SGMS1: variants seen among roughly 807,000 people sequenced by gnomAD.
The protein encoded by SGMS1 is phosphatidylcholine:ceramide cholinephosphotransferase 1.
SGMS1 carries 13 observed loss-of-function variants against 46.2 expected under a neutral mutation model. The observed-to-expected ratio is 0.28, with a 90% CI of 0.18 to 0.45. The LOEUF (loss-of-function observed/expected upper bound fraction) is 0.45, where lower values mean the gene tolerates loss of function less well. SGMS1 is among the 20% of genes least tolerant of loss of function. The pLI is 1.00. For synonymous variants in SGMS1, 203 were observed against 187.8 expected, an observed-to-expected ratio of 1.08 and a Z score of -0.66; for missense variants, 324 against 519.9, an observed-to-expected ratio of 0.62 and a Z score of 3.66.
chr10:50,333,318 C>T (rs1255509019), intron 7 of SGMS1, among the ~76,000 whole-genome samples: 2 of 152,196 alleles, frequency 1.3e-5, no homozygotes, highest in Non-Finnish European at 2.9e-5. Flanking sequence ...TTCTTATTCT[C>T]TCTGAAGTCC....
At chr10:50,611,504 G>A (rs978952210) in intron 1 of SGMS1, among the ~76,000 whole-genome samples, 1 of 152,136 alleles carries the variant, frequency 6.6e-6, no homozygotes, top group Non-Finnish European at 1.5e-5. Context: ...AGAAGACCCT[G>A]GGTGTCCTGA....
intron 2 of SGMS1, 102 bp from the exon 3 acceptor site, chr10:50,520,023 C>G (rs976305263): frequency 6.6e-6 from 1 of 152,154 alleles, no homozygotes; most frequent in Non-Finnish European, 1.5e-5. Context: ...CAATTAAAAA[C>G]TTGATTTGTG....
intron 3 of SGMS1, among the ~76,000 whole-genome samples, chr10:50,503,925 G>A (rs1837683192): frequency 6.6e-6 from 1 of 152,208 alleles, no homozygotes; most frequent in Admixed American, 6.5e-5. Flanking sequence ...GATCGTAGAA[G>A]TTTTGTACAG....
chr10:50,521,113 T>C (rs986652781), intron 2 of SGMS1, among the ~76,000 whole-genome samples: 9 of 152,104 alleles, frequency 5.9e-5, no homozygotes, highest in African/African-American at 2.2e-4. Flanking sequence ...CAAGTGATCT[T>C]CCCACCTCAG....
chr10:50,356,452 G>A (rs1277968644), intron 6 of SGMS1, among the ~76,000 whole-genome samples: 4 of 152,028 alleles, frequency 2.6e-5, no homozygotes, highest in African/African-American at 9.7e-5. Context: ...CCTCTGCCTA[G>A]GAAAACCAGA....
At chr10:50,601,605 G>C (rs901760409) in intron 1 of SGMS1, among the ~76,000 whole-genome samples, 4 of 152,184 alleles carry the variant, frequency 2.6e-5, no homozygotes, top group African/African-American at 9.7e-5. Context: ...CAATAAAAGA[G>C]GAATTAAATT....
In SGMS1 at chr10:50,305,990, CTTT is replaced by C. The variant is rs889023633; in HGVS notation, c.*1149_*1151del. On this transcript the variant is annotated 3_prime_UTR_variant, in exon 11 of 11. Coordinates refer to ENST00000361781, the MANE Select transcript of SGMS1 (RefSeq NM_147156.4). ...AAATATCTTTTAAAGAAATAGATCTCTTTTTTGTTGTTCACCAACAAAATTGTC... is the reference window on the plus strand; with the variant it reads ...AAATATCTTTTAAAGAAATAGATCTCTTTGTTGTTCACCAACAAAATTGTC... 6.6e-6 allele frequency: 1 copy of C among 152,622 alleles called. No homozygotes were observed. Among genetic ancestry groups the C allele is most frequent in the Non-Finnish European group, 1.5e-5 (1 of 67,992 alleles). 9.5% of individuals were successfully genotyped at this position (152,622 alleles called of 1,614,324 possible).
At chr10:50,368,810 A>C (rs1848391057) in intron 6 of SGMS1, among the ~76,000 whole-genome samples, 1 of 152,262 alleles carries the variant, frequency 6.6e-6, no homozygotes, top group Admixed American at 6.5e-5. Flanking sequence ...AGGCATTATA[A>C]AACAATTTGT....
chr10:50,357,651 G>A (rs1232305602), intron 6 of SGMS1, among the ~76,000 whole-genome samples: 2 of 152,086 alleles, frequency 1.3e-5, no homozygotes, highest in African/African-American at 4.8e-5. Flanking sequence ...TTAGTTAAGG[G>A]AATTTGCATG....
chr10:50,489,335 C>A (rs1250915056), intron 3 of SGMS1, among the ~76,000 whole-genome samples: 3 of 152,226 alleles, frequency 2.0e-5, no homozygotes, highest in African/African-American at 7.2e-5. Flanking sequence ...TTATCCGAAA[C>A]ATGTGGATGC....
chr10:50,398,940 T>A (rs1248388490), intron 6 of SGMS1, among the ~76,000 whole-genome samples: 1 of 151,928 alleles, frequency 6.6e-6, no homozygotes, highest in African/African-American at 2.4e-5. Context: ...AAGTGACAGG[T>A]TATATGAAAT....
rs147706729 is a variant in SGMS1, at chr10:50,502,704, G to T, written c.-498+17127C>A. Among the ~76,000 whole-genome samples, 606 of 152,268 alleles carry T rather than the reference G, an allele frequency of 4.0e-3. 2 individuals carry two copies. The highest frequency in any genetic ancestry group is 6.4e-3 in the Non-Finnish European group (433 of 68,014). ...GAAATACTTTCCTTTTCAGTCCCCA[G>T]GTCTCTAACATCAAATGTATTTATG... On this transcript the variant is annotated intron_variant, in intron 3 of 10. Coordinates refer to ENST00000361781, the MANE Select transcript of SGMS1 (RefSeq NM_147156.4).
chr10:50,612,315 A>C (rs1588892754), intron 1 of SGMS1, among the ~76,000 whole-genome samples: 2 of 152,200 alleles, frequency 1.3e-5, no homozygotes, highest in Non-Finnish European at 2.9e-5. Context: ...TTGCTCCCTT[A>C]ATGGAGACAG....
intron 2 of SGMS1, among the ~76,000 whole-genome samples, chr10:50,554,029 A>T (rs951477835): frequency 6.6e-6 from 1 of 152,140 alleles, no homozygotes; most frequent in South Asian, 2.1e-4. Context: ...TGCACCTACA[A>T]TCACCACCTA....
upstream of SGMS1, chr10:50,624,743 C>T (rs73320871): frequency 1.0e-3 from 998 of 985,436 alleles, 8 homozygotes; most frequent in African/African-American, 0.017. Flanking sequence ...GAGCGAAGCC[C>T]CAGCGCCCAA....
intron 2 of SGMS1, among the ~76,000 whole-genome samples, chr10:50,567,136 G>A (rs1247634927): frequency 2.0e-5 from 3 of 152,070 alleles, no homozygotes; most frequent in South Asian, 4.2e-4. Flanking sequence ...TACTAGAGAC[G>A]GGGTTTCACC....
chr10:50,343,594 A>G lies in SGMS1; in HGVS notation c.521T>C (p.Phe174Ser). 1 of 1,614,200 alleles carries G rather than the reference A, an allele frequency of 6.2e-7. No individual in the cohort carries two copies. Among genetic ancestry groups the G allele is most frequent in the Non-Finnish European group, 8.5e-7 (1 of 1,180,048 alleles). The change falls in exon 7 of 11, where the codon TTT becomes TCT. Residue 174 changes from phenylalanine to serine, a missense_variant. By Grantham distance (155) the Phe-to-Ser change is radical (BLOSUM62 -2). Coordinates refer to ENST00000361781, the MANE Select transcript of SGMS1 (RefSeq NM_147156.4). ...EVQPPLPDTF[F>S]DHFNRVQWAF... ...CCACTGCACCCGGTTAAAATGGTCA[A>G]AAAATGTGTCCGGTAGTGGAGGCTG... is the stretch of plus-strand genomic sequence containing the variant.
chr10:50,428,982 A>G (rs897197086), intron 6 of SGMS1, among the ~76,000 whole-genome samples: 1 of 152,176 alleles, frequency 6.6e-6, no homozygotes, highest in African/African-American at 2.4e-5. Flanking sequence ...CCAACAAAAA[A>G]CCTATTTATT....
chr10:50,483,592 C>T (rs1837495498), intron 3 of SGMS1, among the ~76,000 whole-genome samples: 1 of 152,136 alleles, frequency 6.6e-6, no homozygotes, highest in Non-Finnish European at 1.5e-5. Flanking sequence ...AATATACATT[C>T]TTCTCGGTGC....
Sources: gnomAD v4.1 joint callset for allele counts (sites outside exome capture counted in the v4.1 genomes callset) on GRCh38, gnomAD v4.1.1 for gene constraint, MANE v1.5 for transcripts, NCBI Gene and HGNC (gene_info 2026-07-23, HGNC 2026-07-21) for gene names.